The following HELLS variants were observed in gnomAD, a reference collection of about 807,000 sequenced individuals.
The protein encoded by HELLS is lymphoid-specific helicase.
In HELLS, 32 loss-of-function variants were observed where a neutral mutation model predicts 120.0. The observed-to-expected ratio is 0.27, with a 90% confidence interval of 0.20 to 0.36. The LOEUF is 0.36. Ranked by LOEUF, HELLS falls within the 10% of genes least tolerant of loss-of-function variation. The pLI, the probability that HELLS is intolerant of heterozygous loss-of-function variation, is 1.00. For synonymous variants in HELLS, 341 were observed against 323.4 expected (o/e 1.05, Z -0.58); for missense variants, 650 against 993.4 (o/e 0.65, Z 4.65).
intron 2 of HELLS, among the ~76,000 whole-genome samples, chr10:94,547,920 T>C (rs1842813606): frequency 6.6e-6 from 1 of 152,226 alleles, no homozygotes; most frequent in Non-Finnish European, 1.5e-5. Context: ...TAAGGTAATA[T>C]ATTAACAAAT....
intron 7 of HELLS, among the ~76,000 whole-genome samples, chr10:94,573,254 G>A (rs1445348405): frequency 2.0e-5 from 3 of 152,050 alleles, no homozygotes; most frequent in African/African-American, 4.8e-5. Flanking sequence ...CACCATGCCC[G>A]GCCTGTATGT....
intron 3 of HELLS, among the ~76,000 whole-genome samples, chr10:94,554,753 G>A (rs1367827612): frequency 6.6e-6 from 1 of 151,438 alleles, no homozygotes; most frequent in East Asian, 1.9e-4. Context: ...TAGAGGGTTG[G>A]GATTTAGCCT....
At chr10:94,570,645 T>C (rs1564592374) in intron 6 of HELLS, 1 of 152,018 alleles carries the variant, frequency 6.6e-6, no homozygotes, top group Non-Finnish European at 1.5e-5. Flanking sequence ...GATAATTTTA[T>C]GTAAGATAAT....
At chr10:94,583,096 T>C in intron 12 of HELLS, 37 bp downstream of exon 12, 4 of 1,218,580 alleles carry the variant, frequency 3.3e-6, no homozygotes, top group Non-Finnish European at 4.7e-6. Flanking sequence ...AACCATAGGC[T>C]CGATAGAGTA....
intron 17 of HELLS, 82 bp downstream of exon 17, chr10:94,592,596 C>T (rs1027257127): frequency 6.5e-6 from 6 of 923,956 alleles, no homozygotes; most frequent in African/African-American, 1.7e-5. Flanking sequence ...CCAAATAGAC[C>T]CACAAATTGA....
intron 2 of HELLS, among the ~76,000 whole-genome samples, chr10:94,553,510 A>G (rs569010907): frequency 6.6e-6 from 1 of 151,390 alleles, no homozygotes; most frequent in South Asian, 2.1e-4. Flanking sequence ...CGGCCTCCCA[A>G]AGTGCTGGGA....
intron 6 of HELLS, among the ~76,000 whole-genome samples, chr10:94,564,630 T>C (rs1554829613): frequency 2.6e-5 from 4 of 152,150 alleles, no homozygotes; most frequent in Non-Finnish European, 5.9e-5. Context: ...TTTTTTTTCT[T>C]GGAGACAGTC....
At chr10:94,579,640 C>T (rs141196727) in intron 10 of HELLS, among the ~76,000 whole-genome samples, 120 of 151,758 alleles carry the variant, frequency 7.9e-4, no homozygotes, top group African/African-American at 2.9e-3. Context: ...CTCCTGGGCT[C>T]AAGTGATTCT....
Position 94,590,650 on chromosome 10 carries a change from A to C in HELLS, c.1641A>C (p.Glu547Asp). The change falls in exon 15 of 22, where the codon GAA becomes GAC. Residue 547 changes from glutamate to aspartate, a missense_variant. Around this residue, in one of 9 missense-constraint regions of HELLS, gnomAD observed 191 missense variants for 259.7 expected, o/e 0.74. Coordinates refer to ENST00000348459, the MANE Select transcript of HELLS (RefSeq NM_018063.5). ...PEVDRERAVV[E>D]VNIPVESEVN... is the part of the protein sequence containing the mutation. ...TTTGTTTTGGTAGAGCTGTTGTGGAAGTGAATATCCCTGTAGAATCTGAAG... is the reference window on the plus strand; with the variant it reads ...TTTGTTTTGGTAGAGCTGTTGTGGACGTGAATATCCCTGTAGAATCTGAAG... 6.2e-7 allele frequency: 1 copy of C among 1,608,998 alleles called. No individual in the cohort carries two copies. Among genetic ancestry groups the C allele is most frequent in the Non-Finnish European group, 8.5e-7 (1 of 1,178,574 alleles).
At chr10:94,604,479 T>C (rs1340146399), downstream of HELLS, among the ~76,000 whole-genome samples, 1 of 116,660 alleles carries the variant, frequency 8.6e-6, no homozygotes, top group Non-Finnish European at 1.7e-5. Flanking sequence ...CCACATAGTC[T>C]GTTTCATTTG....
intron 3 of HELLS, chr10:94,557,043 C>G (rs1843303935): frequency 1.1e-5 from 2 of 183,608 alleles, no homozygotes; most frequent in African/African-American, 4.8e-5. Flanking sequence ...TAAATGGTTT[C>G]TAGATGAGAC....
chr10:94,546,051 C>T, intron 1 of HELLS, 99 bp downstream of exon 1: 2 of 1,350,964 alleles, frequency 1.5e-6, no homozygotes, highest in Non-Finnish European at 2.1e-6. Flanking sequence ...GAGCCGACCC[C>T]GGGCAGGGAC....
intron 12 of HELLS, among the ~76,000 whole-genome samples, chr10:94,587,075 C>T (rs538486573): frequency 6.6e-6 from 1 of 152,122 alleles, no homozygotes; most frequent in East Asian, 1.9e-4. Flanking sequence ...TTGTCTGTTG[C>T]TTCTGTGTTC....
exon 10 of HELLS, chr10:94,611,370 A>G (rs189773830): frequency 1.3e-5 from 2 of 152,286 alleles, no homozygotes; most frequent in African/African-American, 4.8e-5. Context: ...AATGTTTGCT[A>G]CTTAATGTTC....
intron 2 of HELLS, among the ~76,000 whole-genome samples, chr10:94,552,904 G>A (rs1351677981): frequency 2.0e-5 from 3 of 152,128 alleles, no homozygotes; most frequent in Admixed American, 6.5e-5. Flanking sequence ...GTTTGAGCCC[G>A]GGATTTGGAG....
chr10:94,609,699 T>G (rs1410483857), intron 9 of HELLS, among the ~76,000 whole-genome samples: 1 of 152,254 alleles, frequency 6.6e-6, no homozygotes, highest in Non-Finnish European at 1.5e-5. Flanking sequence ...TTTTAATGTT[T>G]TATCAAGTTG....
Position 94,554,192 on chromosome 10 carries a change from A to G in HELLS, c.220A>G (p.Lys74Glu). The change falls in exon 3 of 22, where the codon AAA becomes GAA. Residue 74 changes from lysine (K) to glutamate (E), a missense_variant. This residue lies in a region of HELLS where 9 missense variants were observed against 31.1 expected (regional missense o/e 0.29). Coordinates refer to ENST00000348459, the MANE Select transcript of HELLS (RefSeq NM_018063.5). ...CCGTAGACTTCAACATTTGCTTGAAAAAAGCAATATATACTCCAAATTTTT... is the reference window on the plus strand; with the variant it reads ...CCGTAGACTTCAACATTTGCTTGAAGAAAGCAATATATACTCCAAATTTTT... ...RYRRLQHLLE[K>E]SNIYSKFLLT... The G allele has an allele frequency of 6.3e-7, 1 of 1,589,598 alleles. No homozygotes were observed. The highest frequency in any genetic ancestry group is 8.5e-7 in the Non-Finnish European group (1 of 1,172,206).
intron 12 of HELLS, among the ~76,000 whole-genome samples, chr10:94,587,367 G>A (rs1471635967): frequency 2.0e-5 from 3 of 152,048 alleles, no homozygotes; most frequent in Non-Finnish European, 4.4e-5. Context: ...GGAGAATGGG[G>A]TATCCATCCC....
chr10:94,573,453 A>ATATTT (rs72368124), intron 7 of HELLS, among the ~76,000 whole-genome samples: 24,140 of 149,818 alleles, frequency 0.16, 2,190 homozygotes, highest in East Asian at 0.35. Flanking sequence ...TCAGATTTTT[A>ATATTT]TATTTTATTT....
Sources: gnomAD v4.1 joint callset for allele counts (sites outside exome capture counted in the v4.1 genomes callset) on GRCh38, gnomAD v4.1.1 for gene constraint, gnomAD v4.1.1 regional missense constraint, MANE v1.5 for transcripts, NCBI Gene and HGNC (gene_info 2026-07-23, HGNC 2026-07-21) for gene names.